The following ZNF273 variants were observed in gnomAD, a reference collection of about 807,000 sequenced individuals.
The protein encoded by ZNF273 is zinc finger protein 273.
ZNF273 carries 11 observed loss-of-function variants against 14.9 expected under a neutral mutation model. That is an observed-to-expected ratio of 0.74 (90% CI 0.46 to 1.22). The LOEUF is 1.22. Among genes scored for constraint, ZNF273 ranks in the 50% most tolerant of loss-of-function variants. The probability of loss-of-function intolerance (pLI) is 0.00; values close to 1 mark genes in which losing one functional copy is unlikely to be tolerated. For synonymous variants in ZNF273, 199 were observed against 223.9 expected, an observed-to-expected ratio of 0.89 and a Z score of 0.99; for missense variants, 577 against 660.6, an observed-to-expected ratio of 0.87 and a Z score of 1.39.
At chr7:64,878,088 C>T (rs1311804901) in intron 1 of ZNF273, among the ~76,000 whole-genome samples, 1 of 152,082 alleles carries the variant, frequency 6.6e-6, no homozygotes, top group Non-Finnish European at 1.5e-5. Flanking sequence ...ATGTGGCTCA[C>T]GTGGCTCACG....
chr7:64,880,245 G>A (rs768262609), downstream of ZNF273: 1 of 152,246 alleles, frequency 6.6e-6, no homozygotes, highest in Non-Finnish European at 1.5e-5. Flanking sequence ...TCAAGGTAAG[G>A]CCAAGGGATA....
At chr7:64,916,373 A>C (rs1458721527) in intron 1 of ZNF273, among the ~76,000 whole-genome samples, 120 of 150,046 alleles carry the variant, frequency 8.0e-4, no homozygotes, top group African/African-American at 2.7e-3. Flanking sequence ...AAAAATGTAA[A>C]AAAAAAAAAA....
chr7:64,924,024 A>G (rs1285976850), intron 3 of ZNF273: 5 of 152,262 alleles, frequency 3.3e-5, no homozygotes, highest in African/African-American at 7.2e-5. Context: ...TTGAGAAAAC[A>G]TTGCATTAAA....
At chr7:64,903,014 C>T (rs950011369), upstream of ZNF273, among the ~76,000 whole-genome samples, 5 of 152,198 alleles carry the variant, frequency 3.3e-5, no homozygotes, top group African/African-American at 1.2e-4. Context: ...TGCATATGAC[C>T]TTATACACAA....
At chr7:64,889,804 A>G (rs537376645), downstream of ZNF273, 7 of 977,548 alleles carry the variant, frequency 7.2e-6, no homozygotes, top group Non-Finnish European at 7.3e-6. This position sits in a 1 kb window ranked among gnomAD's most constrained non-coding sequence, Gnocchi z 4.2. Flanking sequence ...CATTTTATTT[A>G]AAAAACCTGA....
downstream of ZNF273, among the ~76,000 whole-genome samples, chr7:64,932,865 CAG>C (rs1436007556): frequency 6.6e-6 from 1 of 152,118 alleles, no homozygotes; most frequent in Non-Finnish European, 1.5e-5. Context: ...CGTTTTCACA[CAG>C]AATCTATTTT....
intron 1 of ZNF273, among the ~76,000 whole-genome samples, chr7:64,915,765 G>A (rs139526961): frequency 1.3e-5 from 2 of 152,278 alleles, no homozygotes; most frequent in African/African-American, 4.8e-5. Flanking sequence ...CAACAAGCTG[G>A]GGTCCTTTGT....
intron 3 of ZNF273, among the ~76,000 whole-genome samples, chr7:64,919,406 G>C (rs986184402): frequency 6.6e-6 from 1 of 152,072 alleles, no homozygotes; most frequent in Non-Finnish European, 1.5e-5. Context: ...ATGTTGGGAG[G>C]CTGAGGCGGG....
chr7:64,893,112 GA>G (rs5884549), downstream of ZNF273, among the ~76,000 whole-genome samples: 149,274 of 151,474 alleles, frequency 0.99, 73,585 homozygotes, highest in East Asian at 1. Flanking sequence ...TGTTAGTAAA[GA>G]AAAAAAAAAA....
rs760743220 is a variant in ZNF273 at position 64,927,941 on chromosome 7, C to A, written c.613C>A (p.Pro205Thr). 1.2e-5 allele frequency: 20 copies of A among 1,613,468 alleles called. No homozygotes were observed. The highest frequency in any genetic ancestry group is 5.1e-6 in the Non-Finnish European group (6 of 1,179,854). ...IHKKRQTGKK[P>T]FKCKECGKSC... ...TAAGAAAAGACAAACTGGAAAGAAA[C>A]CTTTCAAATGTAAAGAATGTGGCAA... The change falls in exon 4 of 4, where the codon CCT becomes ACT. Residue 205 changes from proline to threonine, a missense_variant. Pro to Thr is a conservative substitution (Grantham distance 38). Transcript: ENST00000476120.
chr7:64,895,591 T>A (rs1792321633), intron 3 of ZNF273, among the ~76,000 whole-genome samples: 1 of 152,162 alleles, frequency 6.6e-6, no homozygotes, highest in African/African-American at 2.4e-5. Flanking sequence ...GTAAAATGAG[T>A]TCTGGCTTAG....
chr7:64,908,771 T>C (rs1793287131), intron 1 of ZNF273, among the ~76,000 whole-genome samples: 1 of 152,174 alleles, frequency 6.6e-6, no homozygotes, highest in African/African-American at 2.4e-5. Flanking sequence ...ATGTATTTGG[T>C]TTTCCATTTC....
intron 3 of ZNF273, among the ~76,000 whole-genome samples, chr7:64,896,517 C>T (rs10265252): frequency 0.41 from 62,047 of 151,718 alleles, 12,892 homozygotes; most frequent in South Asian, 0.45. Context: ...AGAATAAATA[C>T]ATTAAATATG....
downstream of ZNF273, among the ~76,000 whole-genome samples, chr7:64,881,744 G>A (rs1279469842): frequency 6.6e-6 from 1 of 152,186 alleles, no homozygotes; most frequent in African/African-American, 2.4e-5. Context: ...CTTTGTGGGG[G>A]CTGGGGTTGT....
chr7:64,903,695 C>G (rs1792890145), intron 1 of ZNF273, among the ~76,000 whole-genome samples: 1 of 152,234 alleles, frequency 6.6e-6, no homozygotes, highest in Non-Finnish European at 1.5e-5. Flanking sequence ...AGCGCCGCAT[C>G]TCTCCTCGAT....
intron 1 of ZNF273, among the ~76,000 whole-genome samples, chr7:64,885,144 C>T (rs938707496): frequency 3.9e-5 from 6 of 152,244 alleles, no homozygotes; most frequent in African/African-American, 1.4e-4. Flanking sequence ...CGGCGTTGGA[C>T]TCTTGCTCCT....
chr7:64,931,247 A>G (rs1794985650), downstream of ZNF273, among the ~76,000 whole-genome samples: 1 of 152,156 alleles, frequency 6.6e-6, no homozygotes, highest in South Asian at 2.1e-4. Context: ...AACCTCAAAA[A>G]TGCTGAAAGC....
chr7:64,900,378 G>A (rs139797127), upstream of ZNF273, among the ~76,000 whole-genome samples: 18 of 152,304 alleles, frequency 1.2e-4, no homozygotes, highest in East Asian at 3.3e-3. Flanking sequence ...CATCCACCTT[G>A]AACTCCCAAA....
intron 1 of ZNF273, among the ~76,000 whole-genome samples, chr7:64,915,476 G>T (rs973280953): frequency 1.3e-5 from 2 of 152,170 alleles, no homozygotes; most frequent in African/African-American, 4.8e-5. Context: ...AGTTCTTATG[G>T]GAAATAAAGG....
Sources: allele counts gnomAD v4.1 joint callset (sites outside exome capture counted in the v4.1 genomes callset), GRCh38; gene constraint gnomAD v4.1.1; non-coding constraint Gnocchi (gnomAD v3.1); transcripts MANE v1.5; gene names NCBI Gene and HGNC (gene_info 2026-07-23, HGNC 2026-07-21).